Variants in ACAT1 observed in about 807,000 individuals in gnomAD.
ACAT1 encodes the protein acetyl-CoA acetyltransferase 1, also known as acetyl-CoA acetyltransferase, mitochondrial.
Under a neutral mutation model 47.3 loss-of-function variants are expected in ACAT1, and 28 were observed. The ratio of observed to expected loss-of-function variants is 0.59; its 90% confidence interval spans 0.44 to 0.81. ACAT1 has a LOEUF of 0.81. ACAT1 is among the 30% of genes least tolerant of loss of function. The pLI, the probability that ACAT1 is intolerant of heterozygous loss-of-function variation, is 0.00. For synonymous variants in ACAT1, 181 were observed against 173.6 expected (o/e 1.04, Z -0.34); for missense variants, 469 against 524.3 (o/e 0.89, Z 1.03).
chr11:108,126,359 G>C (rs2077247550), intron 1 of ACAT1, among the ~76,000 whole-genome samples: 1 of 152,176 alleles, frequency 6.6e-6, no homozygotes, highest in Non-Finnish European at 1.5e-5. Flanking sequence ...ATCGGGATAG[G>C]GTTTAGAACA....
chr11:108,145,357 T>G (rs577153822), intron 10 of ACAT1, among the ~76,000 whole-genome samples: 3 of 152,274 alleles, frequency 2.0e-5, no homozygotes, highest in East Asian at 3.9e-4. Context: ...TATTAGAAAC[T>G]AATATACCTC....
Position 108,131,944 on chromosome 11 carries a change from C to A in ACAT1, c.110C>A (p.Pro37His). 1 of 1,504,304 alleles carries A rather than the reference C, an allele frequency of 6.6e-7. No individual in the cohort carries two copies. Among genetic ancestry groups the A allele is most frequent in the Non-Finnish European group, 9.2e-7 (1 of 1,087,278 alleles). 93.2% of individuals were successfully genotyped at this position (1,504,304 alleles called of 1,614,324 possible). The part of the protein sequence containing the change: ...RYVERSYVSK[P>H]TLKEVVIVSA... Reference sequence around the variant, plus strand: ...GTGGAACGGAGTTATGTATCAAAACCCACTTTGAAGGTAAGTAATTTAAAT... The same window carrying A: ...GTGGAACGGAGTTATGTATCAAAACACACTTTGAAGGTAAGTAATTTAAAT... The change falls in exon 2 of 12, where the codon CCC becomes CAC. Residue 37 changes from proline to histidine, a missense_variant. Transcript: ENST00000265838.
At chr11:108,132,969 G>A (rs1325591093) in intron 2 of ACAT1, among the ~76,000 whole-genome samples, 1 of 151,636 alleles carries the variant, frequency 6.6e-6, no homozygotes, top group Non-Finnish European at 1.5e-5. Context: ...TGGATCACCT[G>A]AGGTTAGGAG....
Position 108,134,506 on chromosome 11 carries a change from G to A in ACAT1, c.334+190G>A, listed in dbSNP as rs1268537984. ...AAAAATACAAAAATTAGCCAGGTGT[G>A]GTGGTGCACTAATCCCAGCTACTTG... On this transcript the variant is annotated intron_variant, in intron 4 of 11. Coordinates refer to ENST00000265838, the MANE Select transcript of ACAT1 (RefSeq NM_000019.4). 4 of 431,144 alleles carry A rather than the reference G, an allele frequency of 9.3e-6. No homozygotes were observed. In the East Asian group the frequency reaches 1.5e-4, roughly 17 times the overall value. The allele number at this position is 431,144 out of a possible 1,614,324, so 26.7% of individuals were successfully genotyped here. A position where few individuals can be genotyped will look rare whatever the true frequency, so the allele number is the denominator to read the frequency against.
rs2077709365 is a variant in ACAT1, at chr11:108,146,374, T to C, written c.1163+15T>C. 5 of 1,612,760 alleles carry C rather than the reference T, an allele frequency of 3.1e-6. No individual in the cohort carries two copies. The East Asian group carries it at 6.7e-5, about 22-fold the overall frequency. ...CATCCAATTGGGTAGGTAAAAATAA[T>C]AACTATATCTAGGTTAAGAGCTGCC... On this transcript the variant is annotated intron_variant, in intron 11 of 11. Coordinates refer to ENST00000265838, the MANE Select transcript of ACAT1 (RefSeq NM_000019.4).
At chr11:108,133,440 G>A (rs2077401038) in intron 2 of ACAT1, among the ~76,000 whole-genome samples, 1 of 151,922 alleles carries the variant, frequency 6.6e-6, no homozygotes, top group Admixed American at 6.6e-5. Context: ...AGCTATGATT[G>A]TGCCACTGCA....
upstream of ACAT1, among the ~76,000 whole-genome samples, chr11:108,116,849 C>T (rs1864960525): frequency 6.6e-6 from 1 of 152,168 alleles, no homozygotes; most frequent in Non-Finnish European, 1.5e-5. Flanking sequence ...TTAGAACCCA[C>T]AGAAAGAACC....
intron 8 of ACAT1, 147 bp from the exon 9 acceptor site, chr11:108,142,290 A>C (rs1347737557): frequency 5.7e-6 from 4 of 705,404 alleles, no homozygotes; most frequent in Non-Finnish European, 5.2e-6. Context: ...AGCTGTGTAC[A>C]TGTTTCCTGA....
intron 6 of ACAT1, among the ~76,000 whole-genome samples, chr11:108,139,475 C>G (rs1471712769): frequency 1.3e-5 from 2 of 151,578 alleles, no homozygotes; most frequent in Non-Finnish European, 1.5e-5. Context: ...GTCTGTAATC[C>G]CAGCTACTCA....
chr11:108,123,345 G>A (rs1591352267), intron 1 of ACAT1, among the ~76,000 whole-genome samples: 1 of 152,216 alleles, frequency 6.6e-6, no homozygotes, highest in Admixed American at 6.5e-5. Context: ...ACTCTAGGAA[G>A]CAGTTGTATT....
At chr11:108,142,794 A>G (rs2077618018) in intron 9 of ACAT1, 1 of 483,910 alleles carries the variant, frequency 2.1e-6, no homozygotes. Flanking sequence ...CTGAGATTGT[A>G]CCACTGCACT....
At chr11:108,134,082 T>A in intron 3 of ACAT1, 139 bp from the exon 4 acceptor site, 2 of 1,145,570 alleles carry the variant, frequency 1.7e-6, no homozygotes, top group South Asian at 2.7e-5. Flanking sequence ...GTCTTTGTAC[T>A]ATACAGTTTA....
intron 1 of ACAT1, among the ~76,000 whole-genome samples, chr11:108,126,563 T>C (rs2077250507): frequency 6.6e-6 from 1 of 152,138 alleles, no homozygotes; most frequent in South Asian, 2.1e-4. Flanking sequence ...CTGGAGGGAC[T>C]GTAGAGAGGT....
chr11:108,146,222 G>GA lies in ACAT1; in HGVS notation c.1032dup (p.Glu345ArgfsTer10), dbSNP rs1565297723. On this transcript the variant is annotated frameshift_variant, in exon 11 of 12. Transcript: ENST00000265838. LOFTEE classifies it high-confidence loss of function. ...TTAAGGTTCTTAAAGATGTGGGATT[G>GA]AAAAAAGAAGATATTGCAATGTGGG... 6.2e-7 allele frequency: 1 copy of GA among 1,612,698 alleles called. No homozygotes were observed. The highest frequency in any genetic ancestry group is 1.3e-5 in the African/African-American group (1 of 74,856).
At chr11:108,127,211 G>A (rs114453518) in intron 1 of ACAT1, among the ~76,000 whole-genome samples, 1,684 of 151,410 alleles carry the variant, frequency 0.011, 37 homozygotes, top group African/African-American at 0.039. Context: ...CTGGTGGTCA[G>A]TTGAAAGGTC....
chr11:108,121,984 C>T, intron 1 of ACAT1: 1 of 496,370 alleles, frequency 2.0e-6, no homozygotes, highest in Non-Finnish European at 3.6e-6. Flanking sequence ...TGGCGCTGGC[C>T]CGGCCTGAGC....
At chr11:108,119,465 A>C (rs1425978646), upstream of ACAT1, among the ~76,000 whole-genome samples, 1 of 152,146 alleles carries the variant, frequency 6.6e-6, no homozygotes, top group Non-Finnish European at 1.5e-5. Flanking sequence ...GGCCTCCCAA[A>C]GTGCTGTGAT....
At chr11:108,134,140 A>G in intron 3 of ACAT1, 81 bp from the exon 4 acceptor site, 1 of 1,333,026 alleles carries the variant, frequency 7.5e-7, no homozygotes, top group Non-Finnish European at 1.1e-6. Flanking sequence ...CCTATTGTGT[A>G]ATGTCACCTA....
chr11:108,146,675 G>A (rs2077716665), intron 11 of ACAT1, among the ~76,000 whole-genome samples: 1 of 152,122 alleles, frequency 6.6e-6, no homozygotes, highest in South Asian at 2.1e-4. Flanking sequence ...AATTTATAGT[G>A]GTGGGGGCTG....
Sources: gnomAD v4.1 joint callset for allele counts (sites outside exome capture counted in the v4.1 genomes callset) on GRCh38, gnomAD v4.1.1 for gene constraint, MANE v1.5 for transcripts, NCBI Gene and HGNC (gene_info 2026-07-23, HGNC 2026-07-21) for gene names.